Variants in SYNPR observed in about 807,000 individuals in gnomAD.
The protein encoded by SYNPR is synaptoporin.
Under a neutral mutation model 32.9 loss-of-function variants are expected in SYNPR, and 23 were observed. That is an observed-to-expected ratio of 0.70 (90% confidence interval 0.50 to 0.99). SYNPR has a LOEUF of 0.99. Ranked by LOEUF, SYNPR falls within the 50% of genes least tolerant of loss-of-function variation. The pLI, the probability that SYNPR is intolerant of heterozygous loss-of-function variation, is 0.00. For synonymous variants in SYNPR, 146 were observed against 135.9 expected (o/e 1.07, Z -0.52); for missense variants, 318 against 349.3 (o/e 0.91, Z 0.71).
intron 2 of SYNPR, among the ~76,000 whole-genome samples, chr3:63,318,722 T>C (rs2087072401): frequency 6.6e-6 from 1 of 152,094 alleles, no homozygotes; most frequent in South Asian, 2.1e-4. Flanking sequence ...CTTCCCTGAT[T>C]AGCTGAATAG....
intron 2 of SYNPR, among the ~76,000 whole-genome samples, chr3:63,264,326 G>T (rs1367203468): frequency 6.6e-6 from 1 of 152,126 alleles, no homozygotes; most frequent in Admixed American, 6.6e-5. Context: ...TAGCAGATCG[G>T]TGATGAATAT....
intron 2 of SYNPR, among the ~76,000 whole-genome samples, chr3:63,368,340 CAGAG>C (rs1368505252): frequency 6.6e-6 from 1 of 152,036 alleles, no homozygotes; most frequent in East Asian, 1.9e-4. Flanking sequence ...TACAGGGAAG[CAGAG>C]AAAGAGTGCA....
chr3:63,516,063 T>A (rs1025063731), intron 3 of SYNPR, among the ~76,000 whole-genome samples: 2 of 152,060 alleles, frequency 1.3e-5, no homozygotes, highest in Non-Finnish European at 2.9e-5. Context: ...TCAAAAAAAA[T>A]TATATTTTCA....
intron 2 of SYNPR, among the ~76,000 whole-genome samples, chr3:63,362,048 T>C: frequency 6.6e-6 from 1 of 152,180 alleles, no homozygotes; most frequent in East Asian, 1.9e-4. Flanking sequence ...TTATGGCCAA[T>C]AAAATGTGAG....
intron 2 of SYNPR, among the ~76,000 whole-genome samples, chr3:63,400,150 T>C (rs2088271654): frequency 6.6e-6 from 1 of 152,222 alleles, no homozygotes; most frequent in Admixed American, 6.5e-5. Context: ...TTTGCGACTC[T>C]TACACAGCAG....
At chr3:63,286,696 T>C (rs1028205892) in intron 2 of SYNPR, among the ~76,000 whole-genome samples, 4 of 152,236 alleles carry the variant, frequency 2.6e-5, no homozygotes, top group African/African-American at 7.2e-5. Context: ...TGTGGGGATG[T>C]ATTTGACTTT....
chr3:63,480,786 C>T, intron 2 of SYNPR, 46 bp from the exon 3 acceptor site: 1 of 1,603,712 alleles, frequency 6.2e-7, no homozygotes, highest in Non-Finnish European at 8.5e-7. Flanking sequence ...ATTAGAGCAA[C>T]ATCATCCTAA....
chr3:63,219,370 C>T, the SYNPR span, among the ~76,000 whole-genome samples: 1 of 152,214 alleles, frequency 6.6e-6, no homozygotes, highest in East Asian at 1.9e-4. Context: ...GGTGGGGCAG[C>T]TGTCATCAGG....
chr3:63,267,946 C>T (rs374971939), intron 3 of SYNPR, among the ~76,000 whole-genome samples: 39 of 152,216 alleles, frequency 2.6e-4, no homozygotes, highest in African/African-American at 9.4e-4. Context: ...TGTTCAGTAT[C>T]ACTAATTTCA....
chr3:63,477,126 C>T (rs938790872), intron 2 of SYNPR, among the ~76,000 whole-genome samples: 4 of 152,066 alleles, frequency 2.6e-5, no homozygotes, highest in African/African-American at 7.2e-5. Flanking sequence ...AATGGTTGGG[C>T]GAGTAACTGG....
intron 2 of SYNPR, among the ~76,000 whole-genome samples, chr3:63,463,160 C>T (rs954291201): frequency 3.3e-5 from 5 of 151,976 alleles, no homozygotes; most frequent in Non-Finnish European, 5.9e-5. Context: ...CTTTTACAGT[C>T]GAGGGAAAAA....
At chr3:63,286,661 G>A (rs544739618) in intron 2 of SYNPR, among the ~76,000 whole-genome samples, 2 of 152,264 alleles carry the variant, frequency 1.3e-5, no homozygotes, top group South Asian at 2.1e-4. Context: ...ACAGAACCAC[G>A]GTCTTCCTTT....
chr3:63,383,523 C>A (rs910063780), intron 2 of SYNPR, among the ~76,000 whole-genome samples: 5 of 152,108 alleles, frequency 3.3e-5, no homozygotes, highest in African/African-American at 1.2e-4. Flanking sequence ...TCAAGACCAA[C>A]CTGGGCAACA....
chr3:63,462,094 C>T (rs1300363460), intron 2 of SYNPR, among the ~76,000 whole-genome samples: 1 of 152,010 alleles, frequency 6.6e-6, no homozygotes, highest in African/African-American at 2.4e-5. Context: ...TTCCTTTCCC[C>T]AAGCCTGTCA....
intron 2 of SYNPR, among the ~76,000 whole-genome samples, chr3:63,364,996 T>C (rs1194328432): frequency 1.3e-5 from 2 of 152,064 alleles, no homozygotes; most frequent in African/African-American, 4.8e-5. Context: ...TAAAGATAAA[T>C]GAAAAGGTTG....
At chr3:63,285,143 T>G (rs1575586155) in intron 2 of SYNPR, among the ~76,000 whole-genome samples, 1 of 152,352 alleles carries the variant, frequency 6.6e-6, no homozygotes, top group East Asian at 1.9e-4. Flanking sequence ...AGTCATCAAC[T>G]TACATATTTG....
chr3:63,504,850 C>T (rs1287043192), intron 3 of SYNPR, among the ~76,000 whole-genome samples: 2 of 151,822 alleles, frequency 1.3e-5, no homozygotes, highest in Middle Eastern at 3.2e-3. Flanking sequence ...GACTTATTAC[C>T]CTTAAATGCA....
intron 2 of SYNPR, among the ~76,000 whole-genome samples, chr3:63,312,334 A>G (rs1395027891): frequency 1.3e-5 from 2 of 151,984 alleles, no homozygotes; most frequent in Non-Finnish European, 2.9e-5. Context: ...TTCTATTATT[A>G]AAACTATAAA....
intron 3 of SYNPR, among the ~76,000 whole-genome samples, chr3:63,507,130 G>C (rs1241362247): frequency 1.3e-5 from 2 of 151,136 alleles, no homozygotes; most frequent in Non-Finnish European, 2.9e-5. Flanking sequence ...CTGGGTGACA[G>C]AGCGAGACTC....
Sources: allele counts gnomAD v4.1 joint callset (sites outside exome capture counted in the v4.1 genomes callset), GRCh38; gene constraint gnomAD v4.1.1; transcripts MANE v1.5; gene names NCBI Gene and HGNC (gene_info 2026-07-23, HGNC 2026-07-21).